The following RUBCN variants were observed in gnomAD, a reference collection of about 807,000 sequenced individuals.
RUBCN encodes rubicon autophagy regulator, also known as run domain Beclin-1-interacting and cysteine-rich domain-containing protein.
RUBCN carries 74 observed loss-of-function variants against 113.2 expected under a neutral mutation model. The ratio of observed to expected loss-of-function variants is 0.65; its 90% CI spans 0.54 to 0.79. The LOEUF is 0.79. Ranked by LOEUF, RUBCN falls within the 30% of genes least tolerant of loss-of-function variation. The pLI, the probability that RUBCN is intolerant of heterozygous loss-of-function variation, is 0.00. For missense variants in RUBCN, 1,109 were observed against 1,251.7 expected, an observed-to-expected ratio of 0.89 and a Z score of 1.72; for synonymous variants, 480 against 490.0, an observed-to-expected ratio of 0.98 and a Z score of 0.27.
chr3:197,674,947 G>T lies in RUBCN; in HGVS notation c.*71C>A. ...AAAAAAGAAGCCCCAGGTGGGGCGA[G>T]TCCTTCAAAGAGTGGCTCAGTTCTG... On this transcript the variant is annotated 3_prime_UTR_variant, in exon 20 of 20. Transcript: ENST00000296343. 12 of 1,319,710 alleles carry T rather than the reference G, an allele frequency of 9.1e-6. No homozygotes were observed. Among genetic ancestry groups the T allele is most frequent in the East Asian group, 2.4e-5 (1 of 41,666 alleles). The allele number at this position is 1,319,710 out of a possible 1,614,324, so 81.8% of individuals were successfully genotyped here.
exon 1 of RUBCN, chr3:197,749,585 C>G (rs1231740215): frequency 7.9e-7 from 1 of 1,262,662 alleles, no homozygotes; most frequent in East Asian, 5.5e-5. Flanking sequence ...TATAGGGGAC[C>G]TGTCTGCAGC....
At chr3:197,718,203 C>T (rs759570447) in intron 1 of RUBCN, 73 bp from the exon 2 acceptor site, 11 of 1,575,156 alleles carry the variant, frequency 7.0e-6, no homozygotes, top group Non-Finnish European at 9.6e-6. Flanking sequence ...CAAAGAAAGT[C>T]TAAGCCGAGG....
At chr3:197,699,247 C>T in intron 7 of RUBCN, 1 of 1,535,478 alleles carries the variant, frequency 6.5e-7, no homozygotes, top group Non-Finnish European at 8.8e-7. Flanking sequence ...GGTAGACAGA[C>T]AGGTGCAGAG....
chr3:197,682,908 G>A (rs773832190), intron 13 of RUBCN, among the ~76,000 whole-genome samples: 2 of 152,154 alleles, frequency 1.3e-5, no homozygotes, highest in Admixed American at 6.5e-5. Flanking sequence ...AACAGAAACA[G>A]CCTACCAGGG....
chr3:197,737,091 C>G, upstream of RUBCN: 1 of 377,238 alleles, frequency 2.7e-6, no homozygotes, highest in South Asian at 4.4e-5. Flanking sequence ...CAATCCCAGG[C>G]CGCGCTCGTG....
chr3:197,742,424 C>T (rs945757087), intron 1 of RUBCN, among the ~76,000 whole-genome samples: 5 of 151,348 alleles, frequency 3.3e-5, no homozygotes, highest in South Asian at 4.2e-4. Context: ...ACCTGGGAAG[C>T]GGAGGTTTCA....
rs141361070 is a variant in RUBCN, at chr3:197,701,049, G to A, written c.825C>T (p.Ala275=). 6.7e-4 allele frequency: 1,080 copies of A among 1,613,634 alleles called. 6 individuals are homozygous for A. The African/African-American group carries it at 0.013, about 19-fold the overall frequency. The change falls in exon 7 of 20, where the codon GCC becomes GCT. Residue 275 remains alanine (A), a synonymous_variant. Coordinates refer to ENST00000296343, the MANE Select transcript of RUBCN (RefSeq NM_014687.4). The stretch of plus-strand genomic sequence containing the variant: ...CTAGTGCAGAGACTGAAACTGGGGG[G>A]GCTTGGATGGTTTGATCCTCTGCTG... ...VSPAEDQTIQ[A]PPVSVSALAR...
In RUBCN at chr3:197,679,431, T is replaced by A. The variant is rs375643052; in HGVS notation, c.2430+1698A>T. 4.2e-4 allele frequency among the ~76,000 whole-genome samples: 63 copies of A among 149,770 alleles called. No homozygotes were observed. In the East Asian group the frequency reaches 0.01, roughly 24 times the overall value. The stretch of plus-strand genomic sequence containing the variant: ...ACTGTCCTACGCTCTAACTGACAAC[T>A]GGCTTCAGACTGTCCTACGCTCTGA... On this transcript the variant is annotated intron_variant, in intron 16 of 19. Transcript: ENST00000296343.
chr3:197,699,337 A>G, intron 7 of RUBCN: 1 of 789,004 alleles, frequency 1.3e-6, no homozygotes, highest in African/African-American at 1.7e-5. Flanking sequence ...TGGGGATGGA[A>G]CTCCCAAGAG....
rs570052199 is a variant in RUBCN, at chr3:197,670,877, G to A, written c.*4141C>T. ...CTGCTGGACAAACACAACAGGAGCA[G>A]TTGCAGACAAAGTAGCTGAGGGAGA... On this transcript the variant is annotated 3_prime_UTR_variant, in exon 20 of 20. Coordinates refer to ENST00000296343, the MANE Select transcript of RUBCN (RefSeq NM_014687.4). Among the ~76,000 whole-genome samples, 3 of 152,350 alleles carry A rather than the reference G, an allele frequency of 2.0e-5. No individual in the cohort carries two copies. The highest frequency in any genetic ancestry group is 6.5e-5 in the Admixed American group (1 of 15,310).
chr3:197,694,354 G>A (rs1560424619), intron 10 of RUBCN, 21 bp downstream of exon 10: 8 of 1,609,170 alleles, frequency 5.0e-6, no homozygotes, highest in Non-Finnish European at 6.8e-6. Context: ...GGGAACAGAA[G>A]CATCCACAGG....
At chr3:197,677,900 A>T (rs1274836234) in intron 16 of RUBCN, among the ~76,000 whole-genome samples, 2,088 of 120,992 alleles carry the variant, frequency 0.017, no homozygotes, top group African/African-American at 0.074. Context: ...ACCTGGCTTC[A>T]GACTGTCCCA....
intron 11 of RUBCN, among the ~76,000 whole-genome samples, chr3:197,686,162 A>C (rs377714530): frequency 1.3e-5 from 2 of 152,318 alleles, no homozygotes; most frequent in East Asian, 3.9e-4. Context: ...GCCAGAAAGA[A>C]CAGACAGGTG....
intron 11 of RUBCN, chr3:197,691,247 G>T: frequency 1.6e-6 from 1 of 630,870 alleles, no homozygotes; most frequent in Non-Finnish European, 2.5e-6. Flanking sequence ...CTTGCCATTT[G>T]CTCCCAAACA....
rs73891689 is a variant in RUBCN, at chr3:197,681,011, G to A, written c.2430+118C>T. 5,771 of 646,512 alleles carry A rather than the reference G, an allele frequency of 8.9e-3. 248 individuals are homozygous for A. The African/African-American group carries it at 0.095, about 11-fold the overall frequency. 40.0% of individuals were successfully genotyped at this position (646,512 alleles called of 1,614,324 possible). A position where few individuals can be genotyped will look rare whatever the true frequency, so the allele number is the denominator to read the frequency against. ...GGACAAGGAGAGGAGACGAGGGGAG[G>A]GGATGGGGGGAGGGGACAAGAGGAG... On this transcript the variant is annotated intron_variant, in intron 16 of 19. Transcript: ENST00000296343. The surrounding 1 kb of genome is among the most constrained non-coding windows in gnomAD (Gnocchi z 5.5).
rs896998740 is a variant in RUBCN, at chr3:197,683,751, G to A, written c.1848-312C>T. ...TTATAATGCCTGCTTACAAAACAAA[G>A]TGAGTAAAATTGCTTTGTGGACTAC... On this transcript the variant is annotated intron_variant, in intron 12 of 19. Coordinates refer to ENST00000296343, the MANE Select transcript of RUBCN (RefSeq NM_014687.4). The surrounding 1 kb of genome is among the most constrained non-coding windows in gnomAD (Gnocchi z 4.6). Among the ~76,000 whole-genome samples, 2 of 152,124 alleles carry A rather than the reference G, an allele frequency of 1.3e-5. No homozygotes were observed. Among genetic ancestry groups the A allele is most frequent in the Non-Finnish European group, 2.9e-5 (2 of 68,030 alleles).
chr3:197,732,268 G>A (rs1727603619), intron 1 of RUBCN, among the ~76,000 whole-genome samples: 1 of 152,226 alleles, frequency 6.6e-6, no homozygotes, highest in Non-Finnish European at 1.5e-5. Flanking sequence ...GGTCTAGGGA[G>A]ACAGAGCAAT....
In RUBCN at chr3:197,670,883, G is replaced by C. The variant is rs778425522; in HGVS notation, c.*4135C>G. 2.6e-5 allele frequency among the ~76,000 whole-genome samples: 4 copies of C among 152,214 alleles called. No individual in the cohort carries two copies. The highest frequency in any genetic ancestry group is 4.4e-5 in the Non-Finnish European group (3 of 68,034). ...GACAAACACAACAGGAGCAGTTGCAGACAAAGTAGCTGAGGGAGAAGACAG... is the reference window on the plus strand; with the variant it reads ...GACAAACACAACAGGAGCAGTTGCACACAAAGTAGCTGAGGGAGAAGACAG... On this transcript the variant is annotated 3_prime_UTR_variant, in exon 20 of 20. Coordinates refer to ENST00000296343, the MANE Select transcript of RUBCN (RefSeq NM_014687.4).
chr3:197,721,207 T>C (rs1726122281), intron 1 of RUBCN, among the ~76,000 whole-genome samples: 1 of 152,174 alleles, frequency 6.6e-6, no homozygotes, highest in Non-Finnish European at 1.5e-5. Flanking sequence ...TTCCTTGAAG[T>C]TGTGGTAGAA....
Sources: allele counts gnomAD v4.1 joint callset (sites outside exome capture counted in the v4.1 genomes callset), GRCh38; gene constraint gnomAD v4.1.1; non-coding constraint Gnocchi (gnomAD v3.1); transcripts MANE v1.5; gene names NCBI Gene and HGNC (gene_info 2026-07-23, HGNC 2026-07-21).